DCC: variants seen among roughly 807,000 people sequenced by gnomAD.
DCC encodes the protein DCC netrin 1 receptor, also known as netrin receptor DCC.
In DCC, 58 loss-of-function variants were observed where a neutral mutation model predicts 172.5. That is an observed-to-expected ratio of 0.34 (90% CI 0.27 to 0.42). The LOEUF is 0.42. Among genes scored for constraint, DCC ranks in the 10% least tolerant of loss-of-function variants. The pLI, the probability that DCC is intolerant of heterozygous loss-of-function variation, is 1.00. For missense variants in DCC, 1,740 were observed against 1,791.0 expected (o/e 0.97, Z 0.51); for synonymous variants, 709 against 644.5 (o/e 1.10, Z -1.52).
chr18:53,137,631 A>G (rs1030688385), intron 7 of DCC, among the ~76,000 whole-genome samples: 30 of 152,168 alleles, frequency 2.0e-4, no homozygotes, highest in Admixed American at 3.9e-4. Flanking sequence ...ACCCAGTGGA[A>G]GTACAGTCAT....
intron 5 of DCC, among the ~76,000 whole-genome samples, chr18:53,032,302 A>C (rs917668585): frequency 1.3e-5 from 2 of 152,188 alleles, no homozygotes; most frequent in Non-Finnish European, 2.9e-5. Context: ...AAGCCCTTTT[A>C]CCTGAAAGAA....
chr18:52,971,703 A>G (rs2041033754), intron 5 of DCC, among the ~76,000 whole-genome samples: 1 of 152,132 alleles, frequency 6.6e-6, no homozygotes, highest in South Asian at 2.1e-4. Flanking sequence ...TACAGTCTGC[A>G]ATATCCCCTT....
chr18:53,216,414 A>C (rs530323644), intron 12 of DCC, among the ~76,000 whole-genome samples: 2 of 152,300 alleles, frequency 1.3e-5, no homozygotes, highest in East Asian at 3.9e-4. Context: ...TACAGGTCTT[A>C]GAAAAAGTCA....
chr18:53,064,862 T>C lies in DCC; in HGVS notation c.1141-1184T>C, dbSNP rs549022025. 4.3e-4 allele frequency among the ~76,000 whole-genome samples: 65 copies of C among 152,292 alleles called. 1 individual carries two copies. Among genetic ancestry groups the C allele is most frequent in the African/African-American group, 4.8e-4 (20 of 41,580 alleles). On this transcript the variant is annotated intron_variant, in intron 6 of 28. Transcript: ENST00000442544. ...AAGTGTTGTATACGCCTAAAATATA[T>C]GCTACTTACACTTAAAGGACATTTT...
intron 26 of DCC, among the ~76,000 whole-genome samples, chr18:53,495,026 T>C (rs894057018): frequency 2.6e-5 from 4 of 152,176 alleles, no homozygotes; most frequent in Non-Finnish European, 4.4e-5. Context: ...AGCATTTGTT[T>C]GTCTGTAAAG....
intron 15 of DCC, among the ~76,000 whole-genome samples, chr18:53,376,701 G>A (rs774239484): frequency 1.1e-4 from 17 of 152,234 alleles, no homozygotes; most frequent in South Asian, 6.2e-4. Context: ...CACTATGACC[G>A]GAGCCCAAGG....
At position 53,443,653 on chromosome 18, in the gene DCC, T is replaced by C. The variant is rs574781528; in HGVS notation, c.3230-6847T>C. ...AGCTGCCATAAAGTGTGATTTCCTC[T>C]GATGGATCTGAGCAAAGTAAATTGA... On this transcript the variant is annotated intron_variant, in intron 22 of 28. Transcript: ENST00000442544. Among the ~76,000 whole-genome samples the C allele has an allele frequency of 3.3e-4, 50 of 152,360 alleles. 2 individuals are homozygous for C. Among genetic ancestry groups the C allele is most frequent in the Admixed American group, 2.2e-3 (33 of 15,306 alleles).
Position 52,752,034 on chromosome 18 carries a change from C to A in DCC, c.92-20C>A, listed in dbSNP as rs567317003. ...TTATTTGAATACATGAACATATTTCCCTGTGCTCTCTTGTTCCAGGTTTTC... is the reference window on the plus strand; with the variant it reads ...TTATTTGAATACATGAACATATTTCACTGTGCTCTCTTGTTCCAGGTTTTC... On this transcript the variant is annotated intron_variant, in intron 1 of 28. Transcript: ENST00000442544. 6.2e-7 allele frequency: 1 copy of A among 1,603,080 alleles called. No individual in the cohort carries two copies.
At chr18:53,023,343 A>T (rs1172243788) in intron 5 of DCC, among the ~76,000 whole-genome samples, 2 of 142,900 alleles carry the variant, frequency 1.4e-5, no homozygotes, top group African/African-American at 5.0e-5. Context: ...TAATAAAAAA[A>T]AAACATAAAA....
chr18:53,431,640 G>A (rs989279008), intron 21 of DCC, among the ~76,000 whole-genome samples: 2 of 151,786 alleles, frequency 1.3e-5, no homozygotes, highest in Non-Finnish European at 1.5e-5. Flanking sequence ...ATGCGCCACC[G>A]TGCTCTGCTA....
intron 1 of DCC, among the ~76,000 whole-genome samples, chr18:52,590,381 C>T (rs1470223): frequency 0.28 from 42,053 of 151,902 alleles, 6,331 homozygotes; most frequent in East Asian, 0.48. Context: ...ACTGAATATA[C>T]GCTCAGCCAA....
At chr18:52,753,245 C>A (rs899910585) in intron 2 of DCC, among the ~76,000 whole-genome samples, 1 of 152,026 alleles carries the variant, frequency 6.6e-6, no homozygotes, top group Non-Finnish European at 1.5e-5. Flanking sequence ...TCACCAACAA[C>A]GCACATTTTT....
intron 15 of DCC, among the ~76,000 whole-genome samples, chr18:53,350,958 A>C (rs1354090939): frequency 6.6e-6 from 1 of 151,800 alleles, no homozygotes; most frequent in Non-Finnish European, 1.5e-5. Flanking sequence ...GTGAGCGGGG[A>C]TAAGAAAAGG....
intron 1 of DCC, among the ~76,000 whole-genome samples, chr18:52,550,537 C>T (rs893944597): frequency 2.6e-5 from 4 of 152,098 alleles, no homozygotes; most frequent in African/African-American, 9.7e-5. Context: ...AAAATCATTA[C>T]TACCTTCTGT....
intron 5 of DCC, among the ~76,000 whole-genome samples, chr18:53,032,076 G>A (rs1286620065): frequency 6.6e-6 from 1 of 152,028 alleles, no homozygotes; most frequent in African/African-American, 2.4e-5. Context: ...AGATTTTCCT[G>A]TTGTTTGGGT....
intron 5 of DCC, among the ~76,000 whole-genome samples, chr18:53,031,941 T>C (rs1303092262): frequency 6.6e-6 from 1 of 152,138 alleles, no homozygotes; most frequent in African/African-American, 2.4e-5. Flanking sequence ...AAAAGGGGCA[T>C]TTTGATGTTC....
At chr18:52,701,095 A>C (rs1433480908) in intron 1 of DCC, among the ~76,000 whole-genome samples, 1 of 152,226 alleles carries the variant, frequency 6.6e-6, no homozygotes, top group Non-Finnish European at 1.5e-5. Flanking sequence ...GTGACTTCTG[A>C]TAAGGACTTA....
chr18:52,541,905 A>G (rs1017447319), intron 1 of DCC, among the ~76,000 whole-genome samples: 5 of 144,792 alleles, frequency 3.5e-5, no homozygotes, highest in Non-Finnish European at 6.0e-5. Context: ...ATGTGTATAT[A>G]TATATGTACA....
At chr18:52,595,577 C>T (rs111709985) in intron 1 of DCC, among the ~76,000 whole-genome samples, 15 of 152,302 alleles carry the variant, frequency 9.8e-5, no homozygotes, top group African/African-American at 3.4e-4. Context: ...ACATGCCATT[C>T]TCTCCACTTA....
Sources: gnomAD v4.1 joint callset for allele counts (sites outside exome capture counted in the v4.1 genomes callset) on GRCh38, gnomAD v4.1.1 for gene constraint, MANE v1.5 for transcripts, NCBI Gene and HGNC (gene_info 2026-07-23, HGNC 2026-07-21) for gene names.